PLEKHH2: variants seen among roughly 807,000 people sequenced by gnomAD.
PLEKHH2 encodes pleckstrin homology, MyTH4 and FERM domain containing H2.
In PLEKHH2, 129 loss-of-function variants were observed where a neutral mutation model predicts 187.9. That is an observed-to-expected ratio of 0.69 (90% CI 0.59 to 0.79). The LOEUF is 0.79. Among genes scored for constraint, PLEKHH2 ranks in the 30% least tolerant of loss-of-function variants. The pLI, the probability that PLEKHH2 is intolerant of heterozygous loss-of-function variation, is 0.00. For missense variants in PLEKHH2, 2,076 were observed against 1,751.2 expected, an observed-to-expected ratio of 1.19 and a Z score of -3.31; for synonymous variants, 686 against 605.6, an observed-to-expected ratio of 1.13 and a Z score of -1.95.
At chr2:43,676,437 G>T in intron 2 of PLEKHH2, 1 of 755,002 alleles carries the variant, frequency 1.3e-6, no homozygotes, top group Non-Finnish European at 2.1e-6. Flanking sequence ...TCTAGCTGCG[G>T]GAGGTCGCTT....
intron 15 of PLEKHH2, 63 bp from the exon 16 acceptor site, chr2:43,720,606 A>G: frequency 6.3e-7 from 1 of 1,588,242 alleles, no homozygotes; most frequent in South Asian, 1.2e-5. Context: ...AGGGTGTATA[A>G]GCTATAATTT....
intron 24 of PLEKHH2, 150 bp downstream of exon 24, chr2:43,746,113 A>G: frequency 2.0e-6 from 1 of 490,882 alleles, no homozygotes; most frequent in East Asian, 3.4e-5. Flanking sequence ...CTATAGGAAA[A>G]AAACCTTGTC....
chr2:43,731,966 C>A (rs1040967897), intron 19 of PLEKHH2, among the ~76,000 whole-genome samples: 6 of 152,130 alleles, frequency 3.9e-5, no homozygotes, highest in African/African-American at 1.2e-4. Flanking sequence ...ATTTCTTATT[C>A]CTCAATCTCT....
rs1015576074 is a variant in PLEKHH2 at position 43,695,189 on chromosome 2, C to T, written c.467C>T (p.Thr156Ile). The change falls in exon 6 of 30, where the codon ACT becomes ATT. Residue 156 changes from threonine to isoleucine, a missense_variant. By Grantham distance (89) the Thr-to-Ile change is moderately conservative. Transcript: ENST00000282406. ...CTTCGTTTGATCAACCAAAACCAAA[C>T]TGAAGAGATAAGAACAATGCAGTCA... Reference protein sequence around the residue: ...QNLRLINQNQTEEIRTMQSKL... With the variant: ...QNLRLINQNQIEEIRTMQSKL... The T allele has an allele frequency of 1.3e-5, 21 of 1,598,886 alleles. No homozygotes were observed. Among genetic ancestry groups the T allele is most frequent in the Non-Finnish European group, 1.7e-5 (20 of 1,170,458 alleles).
In PLEKHH2 at chr2:43,644,794, A is replaced by G. The variant is rs765924205; in HGVS notation, c.121A>G (p.Lys41Glu). ...CAAGATACGAGAGCTTTTAGCAGAG[A>G]AGGTAAGCTTTCTCCCTAAGCTTTG... is the stretch of plus-strand genomic sequence containing the variant. ...ASKIRELLAE[K>E]MQQLERQVID... Residue 41 changes from lysine (K) to glutamate (E), a missense_variant and splice_region_variant, in exon 2 of 30, where the codon AAG (lysine) becomes GAG (glutamate). Physicochemically the swap from Lys to Glu is moderately conservative, Grantham distance 56. Coordinates refer to ENST00000282406, the MANE Select transcript of PLEKHH2 (RefSeq NM_172069.4). 1.5e-5 allele frequency: 24 copies of G among 1,603,572 alleles called. No homozygotes were observed. The highest frequency in any genetic ancestry group is 1.6e-5 in the Non-Finnish European group (19 of 1,174,858).
intron 2 of PLEKHH2, among the ~76,000 whole-genome samples, chr2:43,667,171 T>C (rs187865421): frequency 2.2e-4 from 33 of 150,548 alleles, no homozygotes; most frequent in Admixed American, 2.0e-3. Flanking sequence ...TTAAAGGAAA[T>C]GTCATGTGGC....
chr2:43,644,449 T>A (rs1666092102), intron 1 of PLEKHH2, among the ~76,000 whole-genome samples: 1 of 21,216 alleles, frequency 4.7e-5, no homozygotes, highest in South Asian at 1.0e-3. Context: ...ACAGTTGGGC[T>A]CCATCCAGCC....
At chr2:43,746,391 A>G (rs1238761576) in intron 24 of PLEKHH2, among the ~76,000 whole-genome samples, 1 of 151,904 alleles carries the variant, frequency 6.6e-6, no homozygotes, top group Non-Finnish European at 1.5e-5. Flanking sequence ...TGTGCCTGTA[A>G]TCTCAGCTAC....
rs1669652616 is a variant in PLEKHH2 at position 43,706,307 on chromosome 2, G to A, written c.1727-15G>A. The A allele has an allele frequency of 2.6e-6, 4 of 1,556,506 alleles. No homozygotes were observed. In the Admixed American group the frequency reaches 6.7e-5, roughly 26 times the overall value. On this transcript the variant is annotated splice_polypyrimidine_tract_variant and intron_variant, in intron 9 of 29. Transcript: ENST00000282406. ...GAAGTTTTTTAAAATGTTGTTTCCT[G>A]TTTTTCTGTTTCAGATTCTGCTGCA...
intron 10 of PLEKHH2, 100 bp downstream of exon 10, chr2:43,706,516 C>G (rs1178256536): frequency 7.2e-6 from 6 of 831,162 alleles, no homozygotes; most frequent in Non-Finnish European, 1.2e-5. Flanking sequence ...ACATTTTACA[C>G]AGGCTCTCCC....
chr2:43,697,634 T>G (rs1007072472), intron 7 of PLEKHH2, among the ~76,000 whole-genome samples: 3 of 152,220 alleles, frequency 2.0e-5, no homozygotes, highest in African/African-American at 7.2e-5. Context: ...AAGTTTACTG[T>G]CCCATCTGCA....
intron 2 of PLEKHH2, among the ~76,000 whole-genome samples, chr2:43,648,825 C>T (rs1338822660): frequency 2.0e-5 from 3 of 151,856 alleles, no homozygotes; most frequent in African/African-American, 7.3e-5. Flanking sequence ...AGTGATCCAC[C>T]CATCTCAGCC....
At chr2:43,677,846 C>T (rs1469301647) in intron 2 of PLEKHH2, among the ~76,000 whole-genome samples, 2 of 148,362 alleles carry the variant, frequency 1.3e-5, no homozygotes, top group African/African-American at 2.5e-5. Flanking sequence ...CCCCCACCTC[C>T]CTCCCGGACG....
chr2:43,731,140 G>A (rs576871662), intron 18 of PLEKHH2, among the ~76,000 whole-genome samples: 3 of 152,272 alleles, frequency 2.0e-5, no homozygotes, highest in East Asian at 1.9e-4. Flanking sequence ...GAAAGGGTGG[G>A]AAGGGGGTGA....
chr2:43,736,133 A>G (rs1308823486), intron 19 of PLEKHH2, among the ~76,000 whole-genome samples: 2 of 152,196 alleles, frequency 1.3e-5, no homozygotes, highest in Admixed American at 6.5e-5. Flanking sequence ...ATATTTACAG[A>G]TGGTATATTT....
At chr2:43,656,639 A>T (rs1172618757) in intron 2 of PLEKHH2, among the ~76,000 whole-genome samples, 2 of 152,246 alleles carry the variant, frequency 1.3e-5, no homozygotes, top group Non-Finnish European at 2.9e-5. Flanking sequence ...TAGCAGCTTT[A>T]TTGATTTAGC....
chr2:43,672,274 T>G (rs1032181211), intron 2 of PLEKHH2, among the ~76,000 whole-genome samples: 1 of 152,204 alleles, frequency 6.6e-6, no homozygotes, highest in Non-Finnish European at 1.5e-5. Context: ...CTTTTTTGCT[T>G]TATTGGTCTG....
intron 2 of PLEKHH2, among the ~76,000 whole-genome samples, chr2:43,674,510 G>C (rs893280772): frequency 6.6e-6 from 1 of 152,166 alleles, no homozygotes; most frequent in Admixed American, 6.5e-5. Flanking sequence ...TAGTGCCATA[G>C]TCTAAACAAG....
At position 43,726,207 on chromosome 2, in the gene PLEKHH2, T is replaced by C. The variant is rs534096384; in HGVS notation, c.2542-65T>C. ...ATAAATTTAAAAATGAAAAGGACTA[T>C]GAAATGTTTTAGTAGGAAAAGATTT... On this transcript the variant is annotated intron_variant, in intron 16 of 29. Transcript: ENST00000282406. 4 of 1,097,152 alleles carry C rather than the reference T, an allele frequency of 3.6e-6. 1 individual carries two copies. Among genetic ancestry groups the C allele is most frequent in the East Asian group, 2.6e-5 (1 of 39,156 alleles). 68.0% of individuals were successfully genotyped at this position (1,097,152 alleles called of 1,614,324 possible). A position where few individuals can be genotyped will look rare whatever the true frequency, so the allele number is the denominator to read the frequency against.
Sources: gnomAD v4.1 joint callset for allele counts (sites outside exome capture counted in the v4.1 genomes callset) on GRCh38, gnomAD v4.1.1 for gene constraint, MANE v1.5 for transcripts, NCBI Gene and HGNC (gene_info 2026-07-23, HGNC 2026-07-21) for gene names.